Variants in FANCB observed in about 807,000 individuals in gnomAD.
FANCB encodes the protein FA complementation group B.
FANCB carries 5 observed loss-of-function variants against 38.9 expected under a neutral mutation model. That is an observed-to-expected ratio of 0.13 (90% CI 0.07 to 0.27). The LOEUF is 0.27. Ranked by LOEUF, FANCB falls within the 10% of genes least tolerant of loss-of-function variation. The pLI, the probability that FANCB is intolerant of heterozygous loss-of-function variation, is 1.00. For missense variants in FANCB, 573 were observed against 602.7 expected, an observed-to-expected ratio of 0.95 and a Z score of 0.52; for synonymous variants, 236 against 215.4, an observed-to-expected ratio of 1.10 and a Z score of -0.84.
At chrX:14,849,965 T>C (rs999536914) in intron 7 of FANCB, among the ~76,000 whole-genome samples, 22 of 112,478 alleles carry the variant, frequency 2.0e-4, no homozygotes, top group African/African-American at 7.1e-4. Context: ...AAACTTTGTA[T>C]GAAAAAATAA....
chrX:14,838,951 T>C (rs1456145965), downstream of FANCB, among the ~76,000 whole-genome samples: 2 of 112,026 alleles, frequency 1.8e-5, no homozygotes, highest in Admixed American at 9.5e-5. Flanking sequence ...CTTCTCTTCC[T>C]ACTGGAGAGG....
chrX:14,837,214 C>T (rs886695979), intron 10 of FANCB, among the ~76,000 whole-genome samples: 3 of 112,016 alleles, frequency 2.7e-5, no homozygotes, highest in African/African-American at 6.5e-5. Context: ...GTACTCATAG[C>T]GAATAAAGAT....
the FANCB span, among the ~76,000 whole-genome samples, chrX:14,741,596 A>C: frequency 8.9e-6 from 1 of 111,893 alleles, no homozygotes; most frequent in African/African-American, 3.2e-5. Flanking sequence ...CAGTTCAATG[A>C]AATCACTGTT....
the FANCB span, among the ~76,000 whole-genome samples, chrX:14,805,687 A>G: frequency 2.7e-5 from 3 of 112,066 alleles, no homozygotes; most frequent in African/African-American, 9.7e-5. Context: ...CCCAGACTCC[A>G]TTCTGCCCCT....
At chrX:14,794,040 T>G in the FANCB span, among the ~76,000 whole-genome samples, 2 of 111,782 alleles carry the variant, frequency 1.8e-5, no homozygotes, top group Non-Finnish European at 3.8e-5. Flanking sequence ...GTTTTTTGTT[T>G]GTTTGTTTGT....
intron 7 of FANCB, among the ~76,000 whole-genome samples, chrX:14,850,100 A>AG (rs2092394238): frequency 1.8e-5 from 2 of 112,520 alleles, no homozygotes; most frequent in South Asian, 7.3e-4. Flanking sequence ...CTGTAGTCCC[A>AG]GCATTTTGGG....
the FANCB span, among the ~76,000 whole-genome samples, chrX:14,761,985 T>C: frequency 9.0e-6 from 1 of 111,585 alleles, no homozygotes; most frequent in Non-Finnish European, 1.9e-5. Flanking sequence ...GCTGCTATAA[T>C]GAAATACCAC....
chrX:14,830,830 C>T, the FANCB span, among the ~76,000 whole-genome samples: 41 of 112,189 alleles, frequency 3.7e-4, no homozygotes, highest in African/African-American at 1.2e-3. Context: ...GTGTGTTGCA[C>T]AATGAGACTG....
chrX:14,705,005 T>G, the FANCB span, among the ~76,000 whole-genome samples: 1 of 111,587 alleles, frequency 9.0e-6, no homozygotes, highest in African/African-American at 3.3e-5. Flanking sequence ...AGGGAGGAGA[T>G]TCTCAAGAAA....
Position 14,844,022 on chromosome X carries a change from C to A in FANCB, c.2166-41G>T, listed in dbSNP as rs756112688. The A allele has an allele frequency of 2.7e-6, 3 of 1,096,932 alleles. No homozygotes were observed. In the Admixed American group the frequency reaches 6.7e-5, roughly 25 times the overall value. 90.4% of individuals were successfully genotyped at this position (1,096,932 alleles called of 1,213,427 possible). A position where few individuals can be genotyped will look rare whatever the true frequency, so the allele number is the denominator to read the frequency against. On this transcript the variant is annotated intron_variant, in intron 9 of 9. Coordinates refer to ENST00000650831, the MANE Select transcript of FANCB (RefSeq NM_001018113.3). ...AAACAAAATATTACAAAAATTAGGA[C>A]AGCACAAAGCAGTCATGTACAATAT...
the FANCB span, among the ~76,000 whole-genome samples, chrX:14,774,594 G>A: frequency 1.8e-5 from 2 of 111,710 alleles, no homozygotes; most frequent in African/African-American, 6.5e-5. Context: ...AATCTTAAAA[G>A]TACTAAAGAA....
At chrX:14,788,453 A>C in the FANCB span, among the ~76,000 whole-genome samples, 1 of 111,466 alleles carries the variant, frequency 9.0e-6, no homozygotes, top group Non-Finnish European at 1.9e-5. Context: ...TGCAACTATC[A>C]GGGTGAAGAA....
chrX:14,823,067 C>T, the FANCB span, among the ~76,000 whole-genome samples: 1 of 103,290 alleles, frequency 9.7e-6, no homozygotes, highest in African/African-American at 3.5e-5. Context: ...TATATTTTTG[C>T]CTACCCTTTT....
intron 2 of FANCB, 55 bp from the exon 3 acceptor site, chrX:14,865,635 C>T: frequency 2.0e-6 from 1 of 512,250 alleles, no homozygotes; most frequent in Non-Finnish European, 3.3e-6. Context: ...GAAAAGAAAA[C>T]ACGTTTCTGT....
At chrX:14,795,013 T>C in the FANCB span, among the ~76,000 whole-genome samples, 1 of 111,942 alleles carries the variant, frequency 8.9e-6, no homozygotes, top group East Asian at 2.8e-4. Flanking sequence ...ATAAAGAGAA[T>C]TGAGAAGTCA....
At chrX:14,844,080 C>T in intron 9 of FANCB, 99 bp from the exon 10 acceptor site, 1 of 694,832 alleles carries the variant, frequency 1.4e-6, no homozygotes, top group Admixed American at 3.0e-5. Context: ...CATTTATAAA[C>T]ACCATAATGA....
chrX:14,862,897 A>G (rs1007025734), intron 3 of FANCB, among the ~76,000 whole-genome samples: 2 of 112,168 alleles, frequency 1.8e-5, no homozygotes, highest in Non-Finnish European at 3.8e-5. Context: ...CCTTGACTAC[A>G]GTAAAACACT....
chrX:14,849,864 G>A (rs893742517), intron 7 of FANCB, among the ~76,000 whole-genome samples: 1 of 111,802 alleles, frequency 8.9e-6, no homozygotes, highest in Non-Finnish European at 1.9e-5. Flanking sequence ...CAAGAGAGTA[G>A]CTATTAGATA....
At position 14,866,082 on chromosome X, in the gene FANCB, G is replaced by C. The variant is rs181532526; in HGVS notation, c.-70-502C>G. Among the ~76,000 whole-genome samples, 9 of 111,640 alleles carry C rather than the reference G, an allele frequency of 8.1e-5. No individual in the cohort carries two copies. In the Admixed American group the frequency reaches 8.5e-4, roughly 11 times the overall value. Reference sequence around the variant, plus strand: ...CAGGCAATTGGGCTTCTGCTTTCTAGAGACAGGAGCCTATACAGGCTCTAA... The same window carrying C: ...CAGGCAATTGGGCTTCTGCTTTCTACAGACAGGAGCCTATACAGGCTCTAA... On this transcript the variant is annotated intron_variant, in intron 2 of 9. Transcript: ENST00000650831.
Sources: gnomAD v4.1 joint callset for allele counts (sites outside exome capture counted in the v4.1 genomes callset) on GRCh38, gnomAD v4.1.1 for gene constraint, MANE v1.5 for transcripts, NCBI Gene and HGNC (gene_info 2026-07-23, HGNC 2026-07-21) for gene names.